The following ATP8B4 variants were observed in gnomAD, a reference collection of about 807,000 sequenced individuals.
ATP8B4 encodes probable phospholipid-transporting ATPase IM.
Under a neutral mutation model 145.6 loss-of-function variants are expected in ATP8B4, and 133 were observed. The observed-to-expected ratio is 0.91, with a 90% CI of 0.79 to 1.05. The LOEUF (loss-of-function observed/expected upper bound fraction) is 1.05, where lower values mean the gene tolerates loss of function less well. Ranked by LOEUF, ATP8B4 falls within the 50% of genes least tolerant of loss-of-function variation. ATP8B4 has a pLI of 0.00. For missense variants in ATP8B4, 1,458 were observed against 1,425.2 expected (o/e 1.02, Z -0.37); for synonymous variants, 507 against 492.9 (o/e 1.03, Z -0.38).
chr15:50,148,227 T>G (rs1029688927), intron 1 of ATP8B4, among the ~76,000 whole-genome samples: 5 of 152,134 alleles, frequency 3.3e-5, no homozygotes, highest in African/African-American at 1.2e-4. Flanking sequence ...CCAAAAATGT[T>G]AATGTCAATT....
intron 9 of ATP8B4, among the ~76,000 whole-genome samples, chr15:49,991,549 G>C (rs1280176887): frequency 1.3e-5 from 2 of 152,038 alleles, no homozygotes; most frequent in African/African-American, 4.8e-5. Flanking sequence ...TGAAAATCAA[G>C]GCCCAATCTC....
intron 20 of ATP8B4, among the ~76,000 whole-genome samples, chr15:49,904,386 C>A (rs765044752): frequency 1.3e-5 from 2 of 152,130 alleles, no homozygotes; most frequent in African/African-American, 2.4e-5. Context: ...ATGGGACCAG[C>A]CAGTCAGTTT....
At chr15:50,081,017 G>A (rs1368323399) in intron 2 of ATP8B4, among the ~76,000 whole-genome samples, 1 of 151,898 alleles carries the variant, frequency 6.6e-6, no homozygotes, top group Non-Finnish European at 1.5e-5. Flanking sequence ...GGAGGCTGAG[G>A]CAGGAGAATG....
chr15:49,924,503 A>T (rs2153458376), intron 16 of ATP8B4, among the ~76,000 whole-genome samples: 1 of 152,240 alleles, frequency 6.6e-6, no homozygotes, highest in East Asian at 1.9e-4. Flanking sequence ...AATGCCTCAA[A>T]AAAAGGTTAA....
intron 1 of ATP8B4, among the ~76,000 whole-genome samples, chr15:50,157,560 TTTG>T (rs1240801606): frequency 2.0e-5 from 3 of 152,214 alleles, no homozygotes; most frequent in South Asian, 2.1e-4. Context: ...CACCTCCAGG[TTTG>T]TTGTTGTTTG....
chr15:50,176,061 G>A (rs1316468958), intron 1 of ATP8B4, among the ~76,000 whole-genome samples: 1 of 150,356 alleles, frequency 6.7e-6, no homozygotes, highest in African/African-American at 2.5e-5. Flanking sequence ...ATATACCGCA[G>A]AGTATATATA....
chr15:50,023,737 C>G (rs951709023), intron 6 of ATP8B4, among the ~76,000 whole-genome samples: 1 of 130,680 alleles, frequency 7.7e-6, no homozygotes, highest in Non-Finnish European at 1.5e-5. Flanking sequence ...AGCATGACAG[C>G]ATCTCTTCAC....
chr15:49,860,131 C>A lies in ATP8B4; in HGVS notation c.*63G>T. 1 of 1,526,984 alleles carries A rather than the reference C, an allele frequency of 6.5e-7. No individual in the cohort carries two copies. The highest frequency in any genetic ancestry group is 8.8e-7 in the Non-Finnish European group (1 of 1,134,982). 94.6% of individuals were successfully genotyped at this position (1,526,984 alleles called of 1,614,324 possible). A position where few individuals can be genotyped will look rare whatever the true frequency, so the allele number is the denominator to read the frequency against. ...TTGCCTCAAATCTCAAACTCTGGAGCCAGCAGAATTTCAGCTCCACCTGAA... is the reference window on the plus strand; with the variant it reads ...TTGCCTCAAATCTCAAACTCTGGAGACAGCAGAATTTCAGCTCCACCTGAA... On this transcript the variant is annotated 3_prime_UTR_variant, in exon 28 of 28. Coordinates refer to ENST00000284509, the MANE Select transcript of ATP8B4 (RefSeq NM_024837.4).
At chr15:49,955,572 C>T (rs1010276331) in intron 14 of ATP8B4, among the ~76,000 whole-genome samples, 1 of 152,164 alleles carries the variant, frequency 6.6e-6, no homozygotes, top group Non-Finnish European at 1.5e-5. Flanking sequence ...TATTTGCATT[C>T]CCATGTTCAT....
intron 7 of ATP8B4, among the ~76,000 whole-genome samples, chr15:50,004,168 C>A (rs768771808): frequency 6.6e-6 from 1 of 152,184 alleles, no homozygotes; most frequent in Non-Finnish European, 1.5e-5. Context: ...CTGCTGAGGC[C>A]TGCTGTTCCC....
At chr15:50,145,674 C>A (rs1196196107) in intron 1 of ATP8B4, among the ~76,000 whole-genome samples, 2 of 152,028 alleles carry the variant, frequency 1.3e-5, no homozygotes, top group African/African-American at 4.8e-5. Context: ...GTCTTTTTTT[C>A]TTTTTCCTTC....
At chr15:49,917,508 T>G (rs1351863094) in intron 19 of ATP8B4, among the ~76,000 whole-genome samples, 1 of 152,126 alleles carries the variant, frequency 6.6e-6, no homozygotes, top group Non-Finnish European at 1.5e-5. Flanking sequence ...AAAAATGCTC[T>G]TATGAAATTT....
rs191283057 is a variant in ATP8B4 at position 49,988,596 on chromosome 15, A to G, written c.590-1047T>C. 1.4e-4 allele frequency among the ~76,000 whole-genome samples: 22 copies of G among 152,312 alleles called. No homozygotes were observed. In the East Asian group the frequency reaches 3.7e-3, roughly 25 times the overall value. On this transcript the variant is annotated intron_variant, in intron 9 of 27. Transcript: ENST00000284509. ...AACAAACAAACAAAAATACATTTAC[A>G]TTTAATCAGAATTCAAAAGAGCAAG...
At chr15:50,045,544 A>G (rs995311081) in intron 4 of ATP8B4, among the ~76,000 whole-genome samples, 5 of 152,148 alleles carry the variant, frequency 3.3e-5, no homozygotes, top group African/African-American at 4.8e-5. Context: ...GTGGCTAAAG[A>G]TCAGGCCCCA....
chr15:49,920,188 C>G lies in ATP8B4; in HGVS notation c.1923+58G>C, dbSNP rs1232871676. ...CCAATGGCTTATTCCTGTGCTAAAT[C>G]TCTAAACACATACTATCTTTCCTGT... On this transcript the variant is annotated intron_variant, in intron 18 of 27. Transcript: ENST00000284509. 1.3e-5 allele frequency: 20 copies of G among 1,577,630 alleles called. No individual in the cohort carries two copies. In the East Asian group the frequency reaches 4.2e-4, roughly 34 times the overall value.
intron 6 of ATP8B4, among the ~76,000 whole-genome samples, chr15:50,037,745 G>A (rs1278357443): frequency 6.6e-6 from 1 of 152,106 alleles, no homozygotes; most frequent in Non-Finnish European, 1.5e-5. Context: ...ACTTTCCAAG[G>A]CTCTGTCTCT....
intron 3 of ATP8B4, among the ~76,000 whole-genome samples, chr15:50,070,180 C>T (rs1431289767): frequency 6.6e-6 from 1 of 151,990 alleles, no homozygotes; most frequent in Non-Finnish European, 1.5e-5. Context: ...TAGCACTCTC[C>T]CTGGGATATG....
chr15:50,166,007 A>ACACC (rs1242315706), intron 1 of ATP8B4, among the ~76,000 whole-genome samples: 106 of 144,952 alleles, frequency 7.3e-4, no homozygotes, highest in African/African-American at 2.6e-3. Context: ...ACACACACAC[A>ACACC]CCTCATCTAA....
intron 6 of ATP8B4, among the ~76,000 whole-genome samples, chr15:50,029,238 T>TAAAAA (rs58363112): frequency 0.2 from 14,905 of 76,178 alleles, 2,154 homozygotes; most frequent in African/African-American, 0.34. Flanking sequence ...GACTCCATCT[T>TAAAAA]AAAAAAAAAA....
Sources: gnomAD v4.1 joint callset for allele counts (sites outside exome capture counted in the v4.1 genomes callset) on GRCh38, gnomAD v4.1.1 for gene constraint, MANE v1.5 for transcripts, NCBI Gene and HGNC (gene_info 2026-07-23, HGNC 2026-07-21) for gene names.